PIDD1: variants seen among roughly 807,000 people sequenced by gnomAD.
PIDD1 encodes p53-induced death domain-containing protein 1.
Under a neutral mutation model 80.0 loss-of-function variants are expected in PIDD1, and 72 were observed. That is an observed-to-expected ratio of 0.90 (90% CI 0.74 to 1.09). The LOEUF (loss-of-function observed/expected upper bound fraction) is 1.09. Among genes scored for constraint, PIDD1 ranks in the 50% least tolerant of loss-of-function variants. The pLI, the probability that PIDD1 is intolerant of heterozygous loss-of-function variation, is 0.00. For synonymous variants in PIDD1, 655 were observed against 543.5 expected (o/e 1.21, Z -2.85); for missense variants, 1,329 against 1,228.3 (o/e 1.08, Z -1.23).
At position 800,650 on chromosome 11, in the gene PIDD1, C is replaced by T. The variant is rs777880455; in HGVS notation, c.1934G>A (p.Arg645Gln). ...GCCCCGGTACCGCTCCAGCAGCCGC[C>T]GAAGGGTGGCGTCCACCTGCGGGGA... ...LPRNKVDATL[R>Q]RLLERYRGPE... The change falls in exon 12 of 16, where the codon CGG becomes CAG. Residue 645 changes from arginine (R) to glutamine (Q), a missense_variant. Physicochemically the swap from Arg to Gln is conservative, Grantham distance 43. Coordinates refer to ENST00000347755, the MANE Select transcript of PIDD1 (RefSeq NM_145886.4). 28 of 1,588,132 alleles carry T rather than the reference C, an allele frequency of 1.8e-5. No individual in the cohort carries two copies. Among genetic ancestry groups the T allele is most frequent in the Middle Eastern group, 1.6e-4 (1 of 6,072 alleles).
At position 800,225 on chromosome 11, in the gene PIDD1, G is replaced by T; in HGVS notation, c.2180C>A (p.Ala727Glu). The T allele has an allele frequency of 1.2e-6, 2 of 1,610,032 alleles. No homozygotes were observed. Among genetic ancestry groups the T allele is most frequent in the South Asian group, 2.2e-5 (2 of 90,902 alleles). The change falls in exon 14 of 16, where the codon GCG becomes GAG. Residue 727 changes from alanine (A) to glutamate (E), a missense_variant. Transcript: ENST00000347755. ...CTCCTCGGGCACCCGCACAGGCACC[G>T]CGCCACGGTAGAAGGACACCTGAAG... Reference protein sequence around the residue: ...VRGQVSFYRGAVPVRVPEEAE... With the variant: ...VRGQVSFYRGEVPVRVPEEAE...
Position 802,797 on chromosome 11 carries a change from G to A in PIDD1, c.804C>T (p.Leu268=), listed in dbSNP as rs138093747. ...CCCGGAGCTGGTTGTCCCTCAGGTC[G>A]AGCCGGGTGAGGAGTGGAAGGCGGG... The part of the protein sequence containing the change: ...DLARLPLLTR[L]DLRDNQLRDL... The change falls in exon 4 of 16, where the codon CTC becomes CTT. Residue 268 remains leucine (L), a synonymous_variant. Transcript: ENST00000347755. 1.9e-5 allele frequency: 31 copies of A among 1,605,044 alleles called. No homozygotes were observed. The African/African-American group carries it at 2.8e-4, about 15-fold the overall frequency.
Position 804,392 on chromosome 11 carries a change from C to T in PIDD1, c.-4G>A, listed in dbSNP as rs1320808889. ...GCCCCTCCACCGTTGCAGCCATCGCCCACCGACGGTCCTTGGAGGCCAGAC... is the reference window on the plus strand; with the variant it reads ...GCCCCTCCACCGTTGCAGCCATCGCTCACCGACGGTCCTTGGAGGCCAGAC... On this transcript the variant is annotated 5_prime_UTR_variant, in exon 2 of 16. Coordinates refer to ENST00000347755, the MANE Select transcript of PIDD1 (RefSeq NM_145886.4). 1.3e-6 allele frequency: 2 copies of T among 1,583,372 alleles called. No individual in the cohort carries two copies. The highest frequency in any genetic ancestry group is 1.7e-5 in the Admixed American group (1 of 57,978).
At chr11:805,484 C>A, upstream of PIDD1, 1 of 449,796 alleles carries the variant, frequency 2.2e-6, no homozygotes, top group Non-Finnish European at 2.9e-6. Context: ...ACAGCCTCCC[C>A]CGCCCGGAAG....
rs748968328 is a variant in PIDD1 at position 800,588 on chromosome 11, C to T, written c.1996G>A (p.Glu666Lys). ...CGCTCGAAGGCCGCAAAGAACTCTT[C>T]GCCCTCGAACATCTCCACCGTGTCA... ...PSDTVEMFEG[E>K]EFFAAFERGI... Residue 666 changes from glutamate (E) to lysine (K), a missense_variant, in exon 12 of 16, where the codon GAA becomes AAA. Transcript: ENST00000347755. 21 of 1,586,892 alleles carry T rather than the reference C, an allele frequency of 1.3e-5. No homozygotes were observed. The highest frequency in any genetic ancestry group is 3.3e-5 in the South Asian group (3 of 90,032).
At position 805,200 on chromosome 11, in the gene PIDD1, A is replaced by G. The variant is rs1339775360; in HGVS notation, c.-97T>C. 4 of 982,994 alleles carry G rather than the reference A, an allele frequency of 4.1e-6. No individual in the cohort carries two copies. The highest frequency in any genetic ancestry group is 4.8e-6 in the Non-Finnish European group (4 of 827,976). The allele number at this position is 982,994 out of a possible 1,614,324, so 60.9% of individuals were successfully genotyped here. ...GTACCTGCGCTGCAGGCGGCGCGCA[A>G]AGGGTGGCTGCTCAGCGGGCGCTCG... On this transcript the variant is annotated 5_prime_UTR_variant, in exon 1 of 16. Coordinates refer to ENST00000347755, the MANE Select transcript of PIDD1 (RefSeq NM_145886.4).
intron 15 of PIDD1, 62 bp from the exon 16 acceptor site, chr11:799,627 C>T: frequency 2.0e-6 from 3 of 1,516,338 alleles, no homozygotes; most frequent in Non-Finnish European, 2.6e-6. Context: ...CCCCACCACA[C>T]TCTGCCTCGG....
intron 15 of PIDD1, 90 bp from the exon 16 acceptor site, chr11:799,655 G>T (rs964991489): frequency 6.9e-7 from 1 of 1,452,576 alleles, no homozygotes; most frequent in East Asian, 2.4e-5. Flanking sequence ...GGGAGTTCCC[G>T]GCTCCTGGGG....
rs201159021 is a variant in PIDD1, at chr11:800,093, C to T, written c.2274+38G>A. On this transcript the variant is annotated intron_variant, in intron 14 of 15. Transcript: ENST00000347755. ...TGTCACCCTGGTCACCCCTGGGCCT[C>T]GGTCCTGCCCCGCCCCTCTGCTGTC... The T allele has an allele frequency of 3.1e-5, 50 of 1,604,142 alleles. No individual in the cohort carries two copies. In the African/African-American group the frequency reaches 3.9e-4, roughly 12 times the overall value.
Position 799,821 on chromosome 11 carries a change from TCGTGCCGGATG to T in PIDD1, c.2457_2467del (p.Ile820ValfsTer4). The T allele has an allele frequency of 6.3e-7, 1 of 1,579,886 alleles. No homozygotes were observed. The highest frequency in any genetic ancestry group is 1.3e-5 in the African/African-American group (1 of 74,540). On this transcript the variant is annotated frameshift_variant, in exon 15 of 16. Transcript: ENST00000347755. LOFTEE classifies it low-confidence loss of function (END_TRUNC). Reference sequence around the variant, plus strand: ...CGGGCAGTGGGAGCCTCACCGGAACTCGTGCCGGATGCGCTGCACCTCCCGGTAGGACACCC... The same window carrying T: ...CGGGCAGTGGGAGCCTCACCGGAACTCGCTGCACCTCCCGGTAGGACACCC...
chr11:801,057 T>C lies in PIDD1; in HGVS notation c.1694A>G (p.Asp565Gly). 1 of 1,599,418 alleles carries C rather than the reference T, an allele frequency of 6.3e-7. No homozygotes were observed. Among genetic ancestry groups the C allele is most frequent in the Non-Finnish European group, 8.5e-7 (1 of 1,173,016 alleles). Residue 565 changes from aspartate to glycine, a missense_variant, in exon 10 of 16, where the codon GAT (aspartate) becomes GGT (glycine). Physicochemically the swap from Asp to Gly is moderately conservative, Grantham distance 94. Coordinates refer to ENST00000347755, the MANE Select transcript of PIDD1 (RefSeq NM_145886.4). ...LYWAPPAATW[D>G]DITAQVVLEL... is the part of the protein sequence containing the mutation. The stretch of plus-strand genomic sequence containing the variant: ...CAGGACCACCTGAGCTGTGATGTCA[T>C]CCCAGGTGGCTGCAGGAGGGGCCCA...
chr11:805,595 T>G, upstream of PIDD1: 5 of 984,512 alleles, frequency 5.1e-6, no homozygotes, highest in Non-Finnish European at 6.0e-6. Context: ...GGGGGTACTC[T>G]TGCCGCTGCC....
intron 15 of PIDD1, 115 bp downstream of exon 15, chr11:799,700 T>A: frequency 7.3e-7 from 1 of 1,372,958 alleles, no homozygotes; most frequent in Non-Finnish European, 9.6e-7. Flanking sequence ...TCCAGCCTGG[T>A]GTTTGCCCTT....
upstream of PIDD1, chr11:806,098 G>GAA (rs780270179): frequency 9.4e-3 from 926 of 98,504 alleles, 11 homozygotes; most frequent in African/African-American, 0.029. Context: ...GACTCCGTCT[G>GAA]AAAAAAAAAA....
chr11:805,173 G>A lies in PIDD1; in HGVS notation c.-76+6C>T. The A allele has an allele frequency of 1.0e-6, 1 of 981,422 alleles. No homozygotes were observed. The highest frequency in any genetic ancestry group is 1.2e-6 in the Non-Finnish European group (1 of 826,410). 60.8% of individuals were successfully genotyped at this position (981,422 alleles called of 1,614,324 possible). A position where few individuals can be genotyped will look rare whatever the true frequency, so the allele number is the denominator to read the frequency against. ...GCCCCCTCCGCCCGCCCAGGCCGGC[G>A]CGTACCTGCGCTGCAGGCGGCGCGC... On this transcript the variant is annotated splice_donor_region_variant and intron_variant, in intron 1 of 15. Transcript: ENST00000347755.
rs1865631511 is a variant in PIDD1 at position 804,394 on chromosome 11, A to C, written c.-6T>G. On this transcript the variant is annotated 5_prime_UTR_variant, in exon 2 of 16. Coordinates refer to ENST00000347755, the MANE Select transcript of PIDD1 (RefSeq NM_145886.4). ...CCCTCCACCGTTGCAGCCATCGCCC[A>C]CCGACGGTCCTTGGAGGCCAGACAT... 6.3e-7 allele frequency: 1 copy of C among 1,581,342 alleles called. No individual in the cohort carries two copies.
intron 3 of PIDD1, 78 bp from the exon 4 acceptor site, chr11:802,969 G>T: frequency 7.7e-7 from 1 of 1,302,184 alleles, no homozygotes; most frequent in Non-Finnish European, 1.1e-6. Context: ...GCCTCCCAGA[G>T]CAGCTGTTTC....
At chr11:801,847 G>A in intron 7 of PIDD1, 118 bp downstream of exon 7, 2 of 1,373,054 alleles carry the variant, frequency 1.5e-6, no homozygotes, top group Middle Eastern at 1.8e-4. Context: ...ACATAGGGAA[G>A]CAGGATCCAG....
rs200395745 is a variant in PIDD1, at chr11:803,169, C to T, written c.709+5G>A. On this transcript the variant is annotated splice_donor_5th_base_variant and intron_variant, in intron 3 of 15. Transcript: ENST00000347755. ...CCAGTGTGTCGGGGCGCAGGGGCTA[C>T]TCACCCAGAGAGGCTGGGAGGCTCT... The T allele has an allele frequency of 1.9e-6, 3 of 1,589,558 alleles. No homozygotes were observed. Among genetic ancestry groups the T allele is most frequent in the East Asian group, 4.5e-5 (2 of 44,714 alleles).
Sources: gnomAD v4.1 joint callset for allele counts on GRCh38, gnomAD v4.1.1 for gene constraint, MANE v1.5 for transcripts, NCBI Gene and HGNC (gene_info 2026-07-23, HGNC 2026-07-21) for gene names.